Variants in SYN2 observed in about 807,000 individuals in gnomAD.
SYN2 encodes synapsin-2.
In SYN2, 19 loss-of-function variants were observed where a neutral mutation model predicts 50.9. The observed-to-expected ratio is 0.37, with a 90% CI of 0.26 to 0.55. The LOEUF is 0.55. Ranked by LOEUF, SYN2 falls within the 20% of genes least tolerant of loss-of-function variation. The pLI is 0.81. For missense variants in SYN2, 587 were observed against 576.4 expected, an observed-to-expected ratio of 1.02 and a Z score of -0.19; for synonymous variants, 255 against 224.9, an observed-to-expected ratio of 1.13 and a Z score of -1.20.
Position 12,150,058 on chromosome 3 carries a change from C to T in SYN2, c.685-1179C>T, listed in dbSNP as rs376534104. 3.6e-3 allele frequency among the ~76,000 whole-genome samples: 541 copies of T among 152,322 alleles called. 1 individual carries two copies. Among genetic ancestry groups the T allele is most frequent in the Non-Finnish European group, 6.2e-3 (422 of 68,034 alleles). On this transcript the variant is annotated intron_variant, in intron 4 of 12. Transcript: ENST00000621198. ...CTAACAACCCAGTTCCGAGCTTTTA[C>T]TGCCCCAACCTCGTCTCCCCTCCCT...
At chr3:12,071,332 GC>G in intron 1 of SYN2, 1 of 570,412 alleles carries the variant, frequency 1.8e-6, no homozygotes. Context: ...CAACAAGTTG[GC>G]CCCTCCATCG....
intron 1 of SYN2, among the ~76,000 whole-genome samples, chr3:12,057,539 G>T (rs1245241820): frequency 6.6e-6 from 1 of 152,026 alleles, no homozygotes; most frequent in Non-Finnish European, 1.5e-5. Context: ...TATAAATTTG[G>T]ATTAGACATG....
chr3:12,127,664 T>G (rs1293057434), intron 1 of SYN2, among the ~76,000 whole-genome samples: 2 of 152,216 alleles, frequency 1.3e-5, no homozygotes, highest in Non-Finnish European at 2.9e-5. Context: ...GGGTTTGGAT[T>G]TGGAAATCCA....
intron 1 of SYN2, among the ~76,000 whole-genome samples, chr3:12,042,360 T>C (rs904020472): frequency 2.6e-5 from 4 of 152,206 alleles, no homozygotes; most frequent in African/African-American, 9.6e-5. Flanking sequence ...GTCTCACAGT[T>C]GATAACTGCT....
chr3:12,188,035 A>T (rs75709146), intron 12 of SYN2, among the ~76,000 whole-genome samples: 46 of 152,202 alleles, frequency 3.0e-4, no homozygotes, highest in South Asian at 1.0e-3. Context: ...GTAAAAAAAA[A>T]TTTTTAATCT....
At chr3:12,156,869 G>C (rs1399265715) in intron 5 of SYN2, 1 of 1,614,204 alleles carries the variant, frequency 6.2e-7, no homozygotes, top group South Asian at 1.1e-5. Context: ...TCACACCACA[G>C]AGGGAAGAGT....
intron 1 of SYN2, among the ~76,000 whole-genome samples, chr3:12,067,261 G>T (rs761701723): frequency 6.6e-6 from 1 of 152,040 alleles, no homozygotes; most frequent in African/African-American, 2.4e-5. Context: ...TCATATCAAG[G>T]TTTTAATCCA....
At position 12,135,562 on chromosome 3, in the gene SYN2, C is replaced by T. The variant is rs1450363665; in HGVS notation, c.378-5089C>T. 3.9e-5 allele frequency among the ~76,000 whole-genome samples: 6 copies of T among 152,190 alleles called. No individual in the cohort carries two copies. The East Asian group carries it at 9.6e-4, about 24-fold the overall frequency. Reference sequence around the variant, plus strand: ...TCATCTTCTAGCCTGAGATTTGATCCTTATGCAAATTCCAGTCATCCTGGG... The same window carrying T: ...TCATCTTCTAGCCTGAGATTTGATCTTTATGCAAATTCCAGTCATCCTGGG... On this transcript the variant is annotated intron_variant, in intron 1 of 12. Coordinates refer to ENST00000621198, the MANE Select transcript of SYN2 (RefSeq NM_133625.6).
At chr3:12,052,156 A>G (rs1694878187) in intron 1 of SYN2, among the ~76,000 whole-genome samples, 3 of 152,248 alleles carry the variant, frequency 2.0e-5, no homozygotes, top group Admixed American at 2.0e-4. Flanking sequence ...TGCTAGCTAC[A>G]TGCTAGGCGT....
intron 1 of SYN2, among the ~76,000 whole-genome samples, chr3:12,087,738 G>C (rs1425727250): frequency 6.6e-6 from 1 of 152,072 alleles, no homozygotes; most frequent in Non-Finnish European, 1.5e-5. Context: ...AGGTGACACA[G>C]TGAGGCCCTG....
At chr3:12,057,015 G>A (rs1034387926) in intron 1 of SYN2, among the ~76,000 whole-genome samples, 1 of 152,174 alleles carries the variant, frequency 6.6e-6, no homozygotes, top group Admixed American at 6.5e-5. Flanking sequence ...TCTGGGCCAG[G>A]TGTGGTGGCT....
At chr3:12,085,977 A>G (rs764290640) in intron 1 of SYN2, among the ~76,000 whole-genome samples, 18 of 152,276 alleles carry the variant, frequency 1.2e-4, no homozygotes, top group Non-Finnish European at 2.2e-4. Context: ...TTTTGAAAAG[A>G]TAAACAATAT....
At chr3:12,113,204 A>T (rs1436603492) in intron 1 of SYN2, among the ~76,000 whole-genome samples, 1 of 152,084 alleles carries the variant, frequency 6.6e-6, no homozygotes, top group East Asian at 1.9e-4. Context: ...TTCATGCAAT[A>T]TTTTTTTCCA....
At chr3:12,044,234 G>A (rs1368586542) in intron 1 of SYN2, among the ~76,000 whole-genome samples, 1 of 147,834 alleles carries the variant, frequency 6.8e-6, no homozygotes, top group East Asian at 2.0e-4. Context: ...GGTGTGAGGA[G>A]GATTCAAGTG....
At chr3:12,044,181 T>TCTCTCTCACA (rs573246278) in intron 1 of SYN2, among the ~76,000 whole-genome samples, 65 of 53,390 alleles carry the variant, frequency 1.2e-3, no homozygotes, top group African/African-American at 2.3e-3. Flanking sequence ...TCTCTCTCTC[T>TCTCTCTCACA]CACACACACA....
At chr3:12,052,973 T>G (rs1394583960) in intron 1 of SYN2, among the ~76,000 whole-genome samples, 2 of 152,192 alleles carry the variant, frequency 1.3e-5, no homozygotes, top group African/African-American at 4.8e-5. Flanking sequence ...TTTGACATAA[T>G]TTCCATACAT....
Position 12,057,287 on chromosome 3 carries a change from CTGTG to C in SYN2, c.377+52393_377+52396del, listed in dbSNP as rs59286785. On this transcript the variant is annotated intron_variant, in intron 1 of 12. Transcript: ENST00000621198. ...AACCTGGGCGACAAGGCAAGACTGT[CTGTG>C]TGTGTGTGTGTGTGTGTGTGTGTGT... 7.5e-3 allele frequency among the ~76,000 whole-genome samples: 1,003 copies of C among 133,992 alleles called. 11 individuals carry two copies. Among genetic ancestry groups the C allele is most frequent in the Non-Finnish European group, 0.012 (751 of 61,522 alleles). 87.9% of individuals were successfully genotyped at this position (133,992 alleles called of 152,430 possible).
intron 4 of SYN2, among the ~76,000 whole-genome samples, chr3:12,147,172 CAG>C (rs1016361813): frequency 1.3e-5 from 2 of 152,150 alleles, no homozygotes; most frequent in Non-Finnish European, 2.9e-5. Flanking sequence ...TTACACCACT[CAG>C]AGAGCTGAAG....
At chr3:12,112,867 A>G (rs892839119) in intron 1 of SYN2, among the ~76,000 whole-genome samples, 8 of 152,212 alleles carry the variant, frequency 5.3e-5, no homozygotes, top group Non-Finnish European at 1.0e-4. Flanking sequence ...AGCATATGGT[A>G]TATAATTGTG....
Sources: allele counts gnomAD v4.1 joint callset (sites outside exome capture counted in the v4.1 genomes callset), GRCh38; gene constraint gnomAD v4.1.1; transcripts MANE v1.5; gene names NCBI Gene and HGNC (gene_info 2026-07-23, HGNC 2026-07-21).